Variants in TTN observed in about 807,000 individuals in gnomAD.
TTN encodes the protein titin.
In TTN, 1,525 loss-of-function variants were observed where a neutral mutation model predicts 3,223.0. The ratio of observed to expected loss-of-function variants is 0.47; its 90% confidence interval spans 0.45 to 0.49. The LOEUF is 0.49. TTN is among the 20% of genes least tolerant of loss of function. The probability of loss-of-function intolerance (pLI) is 0.00; values close to 1 mark genes in which losing one functional copy is unlikely to be tolerated. For missense variants in TTN, 40,786 were observed against 43,424.0 expected (o/e 0.94, Z 5.40); for synonymous variants, 14,094 against 15,161.0 (o/e 0.93, Z 5.17).
intron 113 of TTN, among the ~76,000 whole-genome samples, chr2:178,696,744 T>A (rs1317781716): frequency 6.6e-6 from 1 of 152,128 alleles, no homozygotes; most frequent in Non-Finnish European, 1.5e-5. Context: ...AAACAACATT[T>A]AAAATTATGT....
In TTN at chr2:178,534,327, G is replaced by C; in HGVS notation, c.102288C>G (p.Thr34096=). 6.2e-7 allele frequency: 1 copy of C among 1,613,178 alleles called. No individual in the cohort carries two copies. Among genetic ancestry groups the C allele is most frequent in the Non-Finnish European group, 8.5e-7 (1 of 1,179,814 alleles). Reference sequence around the variant, plus strand: ...CCATGTTGAGGTCTTTCTTGATCAGGGTGTGGTAATAACGCCGGTGTTTTA... The same window carrying C: ...CCATGTTGAGGTCTTTCTTGATCAGCGTGTGGTAATAACGCCGGTGTTTTA... The part of the protein sequence containing the change: ...RTLKHRRYYH[T]LIKKDLNMVV... The change falls in exon 358 of 363, where the codon ACC becomes ACG. Residue 34096 remains threonine, a synonymous_variant. Transcript: ENST00000589042.
Position 178,692,500 on chromosome 2 carries a change from T to G in TTN, c.31675A>C (p.Lys10559Gln). The change falls in exon 120 of 363, where the codon AAA becomes CAA. Residue 10559 changes from lysine (K) to glutamine (Q), a missense_variant. Physicochemically the swap from Lys to Gln is moderately conservative, Grantham distance 53. Coordinates refer to ENST00000589042, the MANE Select transcript of TTN (RefSeq NM_001267550.2). ...IPKKVEPPAP[K>Q]VPEVPKKPVP... ...TTTTTCACAAATATTATTCTACCTT[T>G]TGGTGCTGGGGGCTCCACTTTTTTA... The G allele has an allele frequency of 1.3e-6, 2 of 1,576,480 alleles. No individual in the cohort carries two copies. Among genetic ancestry groups the G allele is most frequent in the South Asian group, 2.3e-5 (2 of 85,830 alleles).
rs55825405 is a variant in TTN, at chr2:178,802,434, G to A, written c.92-93C>T. Reference sequence around the variant, plus strand: ...CATGTTCACTGCCTTGTCCGAATCTGTAAAAGCTTTCCAGCATGGAATGCC... The same window carrying A: ...CATGTTCACTGCCTTGTCCGAATCTATAAAAGCTTTCCAGCATGGAATGCC... On this transcript the variant is annotated intron_variant, in intron 2 of 362. Coordinates refer to ENST00000589042, the MANE Select transcript of TTN (RefSeq NM_001267550.2). 4,115 of 1,430,200 alleles carry A rather than the reference G, an allele frequency of 2.9e-3. 91 individuals carry two copies. The African/African-American group carries it at 0.05, about 17-fold the overall frequency. The allele number at this position is 1,430,200 out of a possible 1,614,324, so 88.6% of individuals were successfully genotyped here. A position where few individuals can be genotyped will look rare whatever the true frequency, so the allele number is the denominator to read the frequency against.
At position 178,560,107 on chromosome 2, in the gene TTN, C is replaced by A. The variant is rs369528150; in HGVS notation, c.86025G>T (p.Pro28675=). The change falls in exon 326 of 363, where the codon CCG becomes CCT. Residue 28675 remains proline, a synonymous_variant. Coordinates refer to ENST00000589042, the MANE Select transcript of TTN (RefSeq NM_001267550.2). ...KTTITIAWVK[P]LFDGGAPITG... Reference sequence around the variant, plus strand: ...TTATCGGGGCCCCACCATCAAACAGCGGCTTAACCCAGGCAATAGTTATAG... The same window carrying A: ...TTATCGGGGCCCCACCATCAAACAGAGGCTTAACCCAGGCAATAGTTATAG... 1 of 1,613,648 alleles carries A rather than the reference C, an allele frequency of 6.2e-7. No individual in the cohort carries two copies. The highest frequency in any genetic ancestry group is 1.7e-5 in the Admixed American group (1 of 59,996).
rs781466821 is a variant in TTN, at chr2:178,583,623, A to G, written c.65559T>C (p.Thr21853=). The change falls in exon 312 of 363, where the codon ACT becomes ACC. Residue 21853 remains threonine, a synonymous_variant. Transcript: ENST00000589042. ...GAATCTTACCATTTTCTGCGAGGAT[A>G]GTCACTGGATCAGAAGGTTCAGAAG... is the stretch of plus-strand genomic sequence containing the variant. ...SPPSEPSDPV[T]ILAENVPPRI... is the part of the protein sequence containing the mutation. The G allele has an allele frequency of 8.1e-6, 13 of 1,602,706 alleles. No individual in the cohort carries two copies. In the African/African-American group the frequency reaches 1.7e-4, roughly 21 times the overall value.
rs1387331840 is a variant in TTN at position 178,554,147 on chromosome 2, C to T, written c.88964G>A (p.Ser29655Asn). ...ITKNSMTVVW[S>N]RPIADGGSDI... Reference sequence around the variant, plus strand: ...ACTACCGCCATCTGCAATTGGCCTGCTCCATACAACAGTCATCGAATTCTT... The same window carrying T: ...ACTACCGCCATCTGCAATTGGCCTGTTCCATACAACAGTCATCGAATTCTT... Residue 29655 changes from serine to asparagine, a missense_variant, in exon 333 of 363, where the codon AGC becomes AAC. Ser to Asn is a conservative substitution (Grantham distance 46). Transcript: ENST00000589042. 1.9e-6 allele frequency: 3 copies of T among 1,613,504 alleles called. No homozygotes were observed. Among genetic ancestry groups the T allele is most frequent in the Admixed American group, 1.7e-5 (1 of 59,958 alleles).
Position 178,738,315 on chromosome 2 carries a change from A to G in TTN, c.14138T>C (p.Leu4713Pro). Residue 4713 changes from leucine to proline, a missense_variant, in exon 49 of 363, where the codon CTG becomes CCG. By Grantham distance (98) the Leu-to-Pro change is moderately conservative. Transcript: ENST00000589042. ...ACAGGTGAATTTGGCTAGGTGGCCC[A>G]GTGCTACTTCCAGGGGTTCGATTTT... The part of the protein sequence containing the change: ...KRKIEPLEVA[L>P]GHLAKFTCEI... The G allele has an allele frequency of 6.2e-7, 1 of 1,613,512 alleles. No individual in the cohort carries two copies. The highest frequency in any genetic ancestry group is 8.5e-7 in the Non-Finnish European group (1 of 1,179,658).
intron 111 of TTN, among the ~76,000 whole-genome samples, 169 bp from the exon 112 acceptor site, chr2:178,699,083 T>G (rs1353017671): frequency 2.0e-5 from 3 of 152,146 alleles, no homozygotes; most frequent in African/African-American, 7.2e-5. Context: ...GATCTAGGAC[T>G]AGATGCAAAA....
Position 178,723,156 on chromosome 2 carries a change from G to A in TTN, c.21851C>T (p.Thr7284Ile). The change falls in exon 75 of 363, where the codon ACT becomes ATT. Residue 7284 changes from threonine (T) to isoleucine (I), a missense_variant. Physicochemically the swap from Thr to Ile is moderately conservative, Grantham distance 89. Coordinates refer to ENST00000589042, the MANE Select transcript of TTN (RefSeq NM_001267550.2). ...GCTATTCAGAATTTCCAGGATACAA[G>A]TTTTCTCTGTTGTGACTATGTTACA... The part of the protein sequence containing the change: ...EKCNIVTTEK[T>I]CILEILNSTK... 8 of 1,613,432 alleles carry A rather than the reference G, an allele frequency of 5.0e-6. No homozygotes were observed. Among genetic ancestry groups the A allele is most frequent in the Non-Finnish European group, 4.2e-6 (5 of 1,179,610 alleles).
At chr2:178,766,818 A>G (rs1195658220) in intron 40 of TTN, among the ~76,000 whole-genome samples, 1 of 152,184 alleles carries the variant, frequency 6.6e-6, no homozygotes, top group Admixed American at 6.5e-5. Context: ...TCTTGTAGAG[A>G]ATTGTGTTTA....
rs753245626 is a variant in TTN at position 178,586,782 on chromosome 2, T to G, written c.64119A>C (p.Leu21373Phe). The change falls in exon 308 of 363, where the codon TTA becomes TTC. Residue 21373 changes from leucine (L) to phenylalanine (F), a missense_variant. By Grantham distance (22) the Leu-to-Phe change is conservative. Transcript: ENST00000589042. ...TGTTCTTGGTCATTTCAGTCACTTC[T>G]AATTTCCTTGGGGGATCCGGCTCAC... Reference protein sequence around the residue: ...PLSEPDPPRKLEVTEMTKNSA... With the variant: ...PLSEPDPPRKFEVTEMTKNSA... 31 of 1,612,790 alleles carry G rather than the reference T, an allele frequency of 1.9e-5. No individual in the cohort carries two copies. In the South Asian group the frequency reaches 3.4e-4, roughly 18 times the overall value.
intron 7 of TTN, 89 bp downstream of exon 7, chr2:178,794,833 C>T: frequency 1.3e-6 from 2 of 1,534,866 alleles, no homozygotes; most frequent in Non-Finnish European, 1.8e-6. Context: ...ATTTTTCCTC[C>T]AATTTATACA....
In TTN at chr2:178,688,177, A is replaced by G. The variant is rs2071381710; in HGVS notation, c.32245T>C (p.Ser10749Pro). The G allele has an allele frequency of 6.2e-7, 1 of 1,612,942 alleles. No homozygotes were observed. The highest frequency in any genetic ancestry group is 8.5e-7 in the Non-Finnish European group (1 of 1,179,740). Residue 10749 changes from serine (S) to proline (P), a missense_variant, in exon 127 of 363, where the codon TCC (serine) becomes CCC (proline). Coordinates refer to ENST00000589042, the MANE Select transcript of TTN (RefSeq NM_001267550.2). ...TCTTCTTCTCTATAAACTGAAATGGACACACCTTCCTCCTCTTCTGAGTAA... is the reference window on the plus strand; with the variant it reads ...TCTTCTTCTCTATAAACTGAAATGGGCACACCTTCCTCCTCTTCTGAGTAA... ...WSYSEEEEGV[S>P]ISVYREEERE... is the part of the protein sequence containing the mutation.
intron 49 of TTN, among the ~76,000 whole-genome samples, chr2:178,737,743 T>TGATTTA (rs1369258332): frequency 6.6e-6 from 1 of 152,204 alleles, no homozygotes; most frequent in African/African-American, 2.4e-5. Context: ...ATTGGTTATT[T>TGATTTA]GATTTAAAAT....
At chr2:178,797,522 C>CGTAAGT (rs986150480) in intron 6 of TTN, among the ~76,000 whole-genome samples, 1 of 151,620 alleles carries the variant, frequency 6.6e-6, no homozygotes. Context: ...GGTTATTTGT[C>CGTAAGT]GTAAGTGTTG....
At position 178,537,535 on chromosome 2, in the gene TTN, T is replaced by C. The variant is rs1372647834; in HGVS notation, c.99672A>G (p.Pro33224=). Residue 33224 remains proline (P), a synonymous_variant, in exon 355 of 363, where the codon CCA becomes CCG. Coordinates refer to ENST00000589042, the MANE Select transcript of TTN (RefSeq NM_001267550.2). The part of the protein sequence containing the change: ...LRLHVMYIGR[P]VPAMTWFHGQ... ...CATGGAACCAAGTCATGGCAGGTAC[T>C]GGACGACCAATGTACATAACATGAA... is the stretch of plus-strand genomic sequence containing the variant. 2 of 1,613,762 alleles carry C rather than the reference T, an allele frequency of 1.2e-6. No individual in the cohort carries two copies. Among genetic ancestry groups the C allele is most frequent in the Middle Eastern group, 3.3e-4 (2 of 6,060 alleles).
Position 178,785,642 on chromosome 2 carries a change from G to C in TTN, c.2471C>G (p.Pro824Arg). The C allele has an allele frequency of 1.2e-6, 2 of 1,614,096 alleles. No homozygotes were observed. Among genetic ancestry groups the C allele is most frequent in the South Asian group, 2.2e-5 (2 of 91,074 alleles). ...TACCTCATATCCATGTTCTGTCTTA[G>C]GAACAGAAATTTTTGAAACAGTAAA... Reference protein sequence around the residue: ...PHFTVSKISVPKTEHGYEASI... With the variant: ...PHFTVSKISVRKTEHGYEASI... Residue 824 changes from proline to arginine, a missense_variant, in exon 15 of 363, where the codon CCT becomes CGT. Transcript: ENST00000589042.
chr2:178,536,858 A>G, intron 356 of TTN, 80 bp downstream of exon 356: 1 of 1,323,048 alleles, frequency 7.6e-7, no homozygotes, highest in Non-Finnish European at 1.0e-6. Flanking sequence ...TTTCCTTTCA[A>G]AATTTCTTTC....
In TTN at chr2:178,725,584, G is replaced by A. The variant is rs879202423; in HGVS notation, c.20620C>T (p.Gln6874Ter). Residue 6874 changes from glutamine to a stop codon, truncating the protein, a stop_gained, in exon 71 of 363, where the codon CAA becomes TAA. Coordinates refer to ENST00000589042, the MANE Select transcript of TTN (RefSeq NM_001267550.2). LOFTEE classifies it high-confidence loss of function. ...GGCTGGGCGCCTTCTATGGATGCTT[G>A]TAATTCAGCAGGCTCTCCGGCTACA... The part of the protein sequence containing the change: ...TVVAGEPAEL[Q>*]ASIEGAQPIF... 4 of 1,612,030 alleles carry A rather than the reference G, an allele frequency of 2.5e-6. No individual in the cohort carries two copies. Among genetic ancestry groups the A allele is most frequent in the Non-Finnish European group, 3.4e-6 (4 of 1,178,946 alleles).
Sources: gnomAD v4.1 joint callset for allele counts (sites outside exome capture counted in the v4.1 genomes callset) on GRCh38, gnomAD v4.1.1 for gene constraint, MANE v1.5 for transcripts, NCBI Gene and HGNC (gene_info 2026-07-23, HGNC 2026-07-21) for gene names.